SYNGR4: variants seen among roughly 807,000 people sequenced by gnomAD.
SYNGR4 encodes synaptogyrin-4.
SYNGR4 carries 15 observed loss-of-function variants against 15.5 expected under a neutral mutation model. The ratio of observed to expected loss-of-function variants is 0.97; its 90% CI spans 0.65 to 1.49. The LOEUF (loss-of-function observed/expected upper bound fraction) is 1.49. Among genes scored for constraint, SYNGR4 ranks in the 40% most tolerant of loss-of-function variants. The probability of loss-of-function intolerance (pLI) is 0.00; values close to 1 mark genes in which losing one functional copy is unlikely to be tolerated. For synonymous variants in SYNGR4, 121 were observed against 127.4 expected (o/e 0.95, Z 0.34); for missense variants, 292 against 299.3 (o/e 0.98, Z 0.18).
At chr19:48,369,521 C>CTA (rs1970273809) in intron 2 of SYNGR4, among the ~76,000 whole-genome samples, 4 of 152,162 alleles carry the variant, frequency 2.6e-5, no homozygotes, top group Admixed American at 2.6e-4. Flanking sequence ...TTCCTGAGCA[C>CTA]CTACTAGAGC....
At chr19:48,375,798 T>C (rs1188819068) in intron 4 of SYNGR4, 46 bp downstream of exon 4, 1 of 1,593,314 alleles carries the variant, frequency 6.3e-7, no homozygotes, top group African/African-American at 1.3e-5. Flanking sequence ...GGGCACCCTC[T>C]GCAGGGTGGG....
In SYNGR4 at chr19:48,376,092, A is replaced by G; in HGVS notation, c.479A>G (p.Gln160Arg). The change falls in exon 5 of 5, where the codon CAG (glutamine) becomes CGG (arginine). Residue 160 changes from glutamine (Q) to arginine (R), a missense_variant. Coordinates refer to ENST00000344846, the MANE Select transcript of SYNGR4 (RefSeq NM_012451.4). ...GCGCTTTTCTGCCCACAGATATTCC[A>G]GGCCTACCTGGCATTCCAGGACCTC... ...TFFSILVWIF[Q>R]AYLAFQDLRN... is the part of the protein sequence containing the mutation. 1.2e-6 allele frequency: 2 copies of G among 1,614,058 alleles called. No homozygotes were observed. Among genetic ancestry groups the G allele is most frequent in the Non-Finnish European group, 1.7e-6 (2 of 1,179,998 alleles).
At chr19:48,366,957 C>A (rs1970232672) in intron 2 of SYNGR4, among the ~76,000 whole-genome samples, 1 of 151,742 alleles carries the variant, frequency 6.6e-6, no homozygotes, top group African/African-American at 2.4e-5. Flanking sequence ...AGTTCGAGAC[C>A]AGCCTGGCCA....
chr19:48,369,520 A>G (rs1970273649), intron 2 of SYNGR4, among the ~76,000 whole-genome samples: 2 of 151,960 alleles, frequency 1.3e-5, no homozygotes, highest in African/African-American at 2.4e-5. Flanking sequence ...TTTCCTGAGC[A>G]CCTACTAGAG....
rs538081017 is a variant in SYNGR4 at position 48,367,534 on chromosome 19, G to A, written c.93+1599G>A. On this transcript the variant is annotated intron_variant, in intron 2 of 4. Transcript: ENST00000344846. ...GTCACGCAGTAACAGGCAGGGGCAGGATTCAAACTCAGATCTGTGAGATGC... is the reference window on the plus strand; with the variant it reads ...GTCACGCAGTAACAGGCAGGGGCAGAATTCAAACTCAGATCTGTGAGATGC... 1.6e-3 allele frequency among the ~76,000 whole-genome samples: 238 copies of A among 152,264 alleles called. 1 individual carries two copies. The highest frequency in any genetic ancestry group is 3.0e-3 in the Non-Finnish European group (204 of 68,028).
At chr19:48,373,270 T>A (rs1970338897) in intron 2 of SYNGR4, 5 of 523,158 alleles carry the variant, frequency 9.6e-6, no homozygotes, top group Non-Finnish European at 1.7e-5. Context: ...TGGGGAAGAC[T>A]GGAGGTGGGG....
At chr19:48,375,514 T>A in intron 3 of SYNGR4, 99 bp from the exon 4 acceptor site, 4 of 1,459,932 alleles carry the variant, frequency 2.7e-6, no homozygotes, top group Non-Finnish European at 3.7e-6. Context: ...TCGTGGAAGT[T>A]CGTGCAGCAA....
chr19:48,370,323 AAAATT>A (rs1008696936), intron 2 of SYNGR4, among the ~76,000 whole-genome samples: 14 of 152,056 alleles, frequency 9.2e-5, no homozygotes, highest in African/African-American at 3.4e-4. Flanking sequence ...GTCTCTACAA[AAAATT>A]AAATATGAGT....
At chr19:48,373,911 G>A (rs2147410162) in intron 3 of SYNGR4, among the ~76,000 whole-genome samples, 157 bp downstream of exon 3, 1 of 152,212 alleles carries the variant, frequency 6.6e-6, no homozygotes, top group East Asian at 1.9e-4. Context: ...GTGGCCCAGA[G>A]CTTCTCACTG....
chr19:48,373,780 G>C, intron 3 of SYNGR4, 26 bp downstream of exon 3: 2 of 1,608,142 alleles, frequency 1.2e-6, no homozygotes, highest in Non-Finnish European at 1.7e-6. Context: ...CCCCAACCCA[G>C]AGCTGCCCCT....
chr19:48,375,550 C>A, intron 3 of SYNGR4, 63 bp from the exon 4 acceptor site: 1 of 1,569,216 alleles, frequency 6.4e-7, no homozygotes, highest in Non-Finnish European at 8.7e-7. Context: ...CCTTCCCATG[C>A]CTCAGCAGCC....
chr19:48,375,778 C>T (rs1407007088), intron 4 of SYNGR4, 26 bp downstream of exon 4: 5 of 1,604,172 alleles, frequency 3.1e-6, no homozygotes, highest in Non-Finnish European at 4.3e-6. Flanking sequence ...TCCACCACCC[C>T]TCCCTAGGAG....
chr19:48,365,128 ACT>A (rs1206429698), intron 1 of SYNGR4, among the ~76,000 whole-genome samples: 1 of 141,068 alleles, frequency 7.1e-6, no homozygotes, highest in Non-Finnish European at 1.5e-5. Flanking sequence ...ACCCTTAGCG[ACT>A]CTCTCATCCT....
Position 48,376,099 on chromosome 19 carries a change from C to T in SYNGR4, c.486C>T (p.Tyr162=). Residue 162 remains tyrosine (Y), a synonymous_variant, in exon 5 of 5, where the codon TAC becomes TAT. Coordinates refer to ENST00000344846, the MANE Select transcript of SYNGR4 (RefSeq NM_012451.4). ...FSILVWIFQA[Y]LAFQDLRNDA... Reference sequence around the variant, plus strand: ...TCTGCCCACAGATATTCCAGGCCTACCTGGCATTCCAGGACCTCCGAAATG... The same window carrying T: ...TCTGCCCACAGATATTCCAGGCCTATCTGGCATTCCAGGACCTCCGAAATG... 2 of 1,614,158 alleles carry T rather than the reference C, an allele frequency of 1.2e-6. No individual in the cohort carries two copies. The highest frequency in any genetic ancestry group is 2.2e-5 in the South Asian group (2 of 91,088).
intron 2 of SYNGR4, chr19:48,372,933 C>A (rs275837): frequency 0.53 from 81,622 of 153,956 alleles, 22,138 homozygotes; most frequent in East Asian, 0.82. Flanking sequence ...GTCCTCAGAA[C>A]CACCCCAGAG....
chr19:48,372,638 G>C (rs2147408074), intron 2 of SYNGR4, among the ~76,000 whole-genome samples: 1 of 151,766 alleles, frequency 6.6e-6, no homozygotes, highest in East Asian at 1.9e-4. Context: ...GTGACAGCCA[G>C]ACTCTGTCTC....
chr19:48,367,080 T>C (rs1390526751), intron 2 of SYNGR4, among the ~76,000 whole-genome samples: 1 of 150,410 alleles, frequency 6.6e-6, no homozygotes, highest in Non-Finnish European at 1.5e-5. Flanking sequence ...CTTGAGCCCA[T>C]GTGGCGGAGG....
intron 2 of SYNGR4, among the ~76,000 whole-genome samples, chr19:48,366,173 A>T (rs1009853015): frequency 6.6e-6 from 1 of 152,194 alleles, no homozygotes; most frequent in African/African-American, 2.4e-5. Context: ...TGCAAGTCCC[A>T]TCTCTGAGAT....
In SYNGR4 at chr19:48,376,119, G is replaced by A. The variant is rs778187227; in HGVS notation, c.506G>A (p.Arg169Gln). Residue 169 changes from arginine to glutamine, a missense_variant, in exon 5 of 5, where the codon CGA (arginine) becomes CAA (glutamine). By Grantham distance (43) the Arg-to-Gln change is conservative (BLOSUM62 1). Transcript: ENST00000344846. ...GCCTACCTGGCATTCCAGGACCTCC[G>A]AAATGATGCTCCAGTCCCTTACAAG... ...FQAYLAFQDL[R>Q]NDAPVPYKRF... 6.8e-6 allele frequency: 11 copies of A among 1,613,930 alleles called. No homozygotes were observed. Among genetic ancestry groups the A allele is most frequent in the South Asian group, 2.2e-5 (2 of 91,086 alleles).
Sources: gnomAD v4.1 joint callset for allele counts (sites outside exome capture counted in the v4.1 genomes callset) on GRCh38, gnomAD v4.1.1 for gene constraint, MANE v1.5 for transcripts, NCBI Gene and HGNC (gene_info 2026-07-23, HGNC 2026-07-21) for gene names.